ENTHD1: variants seen among roughly 807,000 people sequenced by gnomAD.
The protein encoded by ENTHD1 is ENTH domain containing 1, also known as ENTH domain-containing protein 1.
In ENTHD1, 23 loss-of-function variants were observed where a neutral mutation model predicts 39.1. The ratio of observed to expected loss-of-function variants is 0.59; its 90% CI spans 0.42 to 0.83. ENTHD1 has a LOEUF of 0.83. ENTHD1 is among the 40% of genes least tolerant of loss of function. The pLI is 0.00. For missense variants in ENTHD1, 624 were observed against 705.4 expected (o/e 0.88, Z 1.31); for synonymous variants, 230 against 258.2 (o/e 0.89, Z 1.05).
At chr22:39,806,879 C>T (rs2065644964) in intron 5 of ENTHD1, among the ~76,000 whole-genome samples, 1 of 152,042 alleles carries the variant, frequency 6.6e-6, no homozygotes, top group East Asian at 1.9e-4. Context: ...AGGACGGAGG[C>T]AAGGGGAGGG....
chr22:39,876,029 G>C, intron 2 of ENTHD1: 10 of 1,613,878 alleles, frequency 6.2e-6, no homozygotes, highest in Non-Finnish European at 8.5e-6. Context: ...TGATGCATCT[G>C]GCAGGATCAG....
chr22:39,762,934 TC>T (rs1467762825), intron 6 of ENTHD1, among the ~76,000 whole-genome samples: 3 of 152,184 alleles, frequency 2.0e-5, no homozygotes, highest in Non-Finnish European at 1.5e-5. Flanking sequence ...TTTTTTCATA[TC>T]CTAGTATGCT....
chr22:39,763,188 T>C (rs567785854), intron 6 of ENTHD1, among the ~76,000 whole-genome samples: 3 of 152,234 alleles, frequency 2.0e-5, no homozygotes, highest in Admixed American at 6.5e-5. Flanking sequence ...GCCTGGAGTG[T>C]TTCCCATGGC....
At chr22:39,842,653 A>G (rs2065953809) in intron 3 of ENTHD1, among the ~76,000 whole-genome samples, 1 of 152,044 alleles carries the variant, frequency 6.6e-6, no homozygotes, top group African/African-American at 2.4e-5. Flanking sequence ...AAAAGAAACG[A>G]CCATCAGAGT....
intron 4 of ENTHD1, among the ~76,000 whole-genome samples, chr22:39,827,421 C>G (rs373863219): frequency 1.3e-5 from 2 of 151,820 alleles, no homozygotes; most frequent in African/African-American, 4.8e-5. Flanking sequence ...AATTTTAAAT[C>G]AAATGGAAAA....
chr22:39,824,197 A>G (rs905912676), intron 4 of ENTHD1, among the ~76,000 whole-genome samples: 26 of 108,062 alleles, frequency 2.4e-4, no homozygotes, highest in African/African-American at 9.3e-4. Context: ...GCTTTTGTCC[A>G]GTTCTTTTTT....
At chr22:39,842,578 G>C (rs2065953261) in intron 3 of ENTHD1, among the ~76,000 whole-genome samples, 1 of 152,028 alleles carries the variant, frequency 6.6e-6, no homozygotes, top group Non-Finnish European at 1.5e-5. Flanking sequence ...AACACCAAAA[G>C]CAATGGCAAC....
chr22:39,757,450 T>A (rs1022313923), intron 6 of ENTHD1, among the ~76,000 whole-genome samples: 1 of 151,750 alleles, frequency 6.6e-6, no homozygotes, highest in African/African-American at 2.4e-5. Flanking sequence ...TTAAAAAAAA[T>A]TAAAAATTTT....
At chr22:39,810,038 G>A (rs552509222) in intron 5 of ENTHD1, among the ~76,000 whole-genome samples, 1 of 152,166 alleles carries the variant, frequency 6.6e-6, no homozygotes, top group East Asian at 1.9e-4. Context: ...TCATTATAGG[G>A]GATTCATGGC....
intron 4 of ENTHD1, among the ~76,000 whole-genome samples, chr22:39,831,906 A>G (rs1365025246): frequency 6.6e-6 from 1 of 152,236 alleles, no homozygotes; most frequent in African/African-American, 2.4e-5. Flanking sequence ...AATGAAAAGG[A>G]TAACATTTAA....
intron 5 of ENTHD1, among the ~76,000 whole-genome samples, chr22:39,783,718 C>A (rs2065430969): frequency 1.3e-5 from 2 of 152,080 alleles, no homozygotes; most frequent in South Asian, 4.1e-4. Flanking sequence ...GAAATTAGAT[C>A]CCTATCTCTC....
chr22:39,813,479 C>T (rs1569151308), intron 5 of ENTHD1, among the ~76,000 whole-genome samples: 1 of 152,132 alleles, frequency 6.6e-6, no homozygotes. Context: ...TGGAAATCAA[C>T]TAATTTATGA....
At chr22:39,831,326 CCAGT>C (rs1053137134) in intron 4 of ENTHD1, among the ~76,000 whole-genome samples, 3 of 152,052 alleles carry the variant, frequency 2.0e-5, no homozygotes, top group Admixed American at 6.5e-5. Context: ...TCCCAAGCTG[CCAGT>C]AAGTCCTGAA....
intron 3 of ENTHD1, among the ~76,000 whole-genome samples, chr22:39,836,858 G>C (rs776486444): frequency 1.1e-4 from 17 of 152,124 alleles, no homozygotes; most frequent in Non-Finnish European, 2.2e-4. Flanking sequence ...GGACATTCTT[G>C]CTTCCCCTTT....
intron 4 of ENTHD1, among the ~76,000 whole-genome samples, chr22:39,835,222 A>T (rs1370602828): frequency 1.3e-5 from 2 of 152,086 alleles, no homozygotes; most frequent in Non-Finnish European, 2.9e-5. Context: ...CTGCAACCAT[A>T]CAACATGCCA....
chr22:39,834,337 A>T (rs2065893000), intron 4 of ENTHD1, among the ~76,000 whole-genome samples: 1 of 152,250 alleles, frequency 6.6e-6, no homozygotes, highest in South Asian at 2.1e-4. Flanking sequence ...GAACATATGA[A>T]TAAGGTCAAA....
chr22:39,773,950 G>T (rs1343529093), intron 5 of ENTHD1, among the ~76,000 whole-genome samples: 3 of 152,174 alleles, frequency 2.0e-5, no homozygotes, highest in Non-Finnish European at 4.4e-5. Context: ...TTTCAGCAAA[G>T]AAATGAAGGC....
chr22:39,779,781 G>A (rs1442948659), intron 5 of ENTHD1, among the ~76,000 whole-genome samples: 1 of 152,120 alleles, frequency 6.6e-6, no homozygotes, highest in East Asian at 1.9e-4. Context: ...AAAATGTGGA[G>A]GGGATAAAGT....
At chr22:39,818,238 T>G (rs1033936401) in intron 5 of ENTHD1, among the ~76,000 whole-genome samples, 7 of 152,214 alleles carry the variant, frequency 4.6e-5, no homozygotes, top group African/African-American at 1.4e-4. Context: ...CTCCAGCCGA[T>G]AGCCAGCATC....
Sources: allele counts gnomAD v4.1 joint callset (sites outside exome capture counted in the v4.1 genomes callset), GRCh38; gene constraint gnomAD v4.1.1; transcripts MANE v1.5; gene names NCBI Gene and HGNC (gene_info 2026-07-23, HGNC 2026-07-21).